The following MYO9A variants were observed in gnomAD, a reference collection of about 807,000 sequenced individuals.
MYO9A encodes unconventional myosin-IXa.
In MYO9A, 103 loss-of-function variants were observed where a neutral mutation model predicts 293.3. The ratio of observed to expected loss-of-function variants is 0.35; its 90% CI spans 0.30 to 0.41. The LOEUF (loss-of-function observed/expected upper bound fraction) is 0.41. MYO9A is among the 10% of genes least tolerant of loss of function. MYO9A has a pLI of 1.00. For synonymous variants in MYO9A, 1,001 were observed against 1,035.7 expected (o/e 0.97, Z 0.64); for missense variants, 2,685 against 3,033.0 (o/e 0.89, Z 2.69).
chr15:71,830,296 G>A lies in MYO9A; in HGVS notation c.6853C>T (p.Arg2285Cys), dbSNP rs747340403. Residue 2285 changes from arginine (R) to cysteine (C), a missense_variant, in exon 40 of 42, where the codon CGT (arginine) becomes TGT (cysteine). By Grantham distance (180) the Arg-to-Cys change is radical. Around this residue, in one of 10 missense-constraint regions of MYO9A, gnomAD observed 350 missense variants for 328.9 expected, o/e 1.06. Coordinates refer to ENST00000356056, the MANE Select transcript of MYO9A (RefSeq NM_006901.4). ...GATGGACCTGGATAGTTTCCTCGAC[G>A]AATACGCCCCTTTCCCTGCAGAGAA... The part of the protein sequence containing the change: ...IRRSMGKGRI[R>C]RGNYPGPSSP... 21 of 1,613,508 alleles carry A rather than the reference G, an allele frequency of 1.3e-5. No homozygotes were observed. Among genetic ancestry groups the A allele is most frequent in the South Asian group, 8.8e-5 (8 of 90,978 alleles).
At position 71,880,460 on chromosome 15, in the gene MYO9A, T is replaced by C. The variant is rs1200197580; in HGVS notation, c.5497A>G (p.Lys1833Glu). 1 of 1,614,242 alleles carries C rather than the reference T, an allele frequency of 6.2e-7. No individual in the cohort carries two copies. The highest frequency in any genetic ancestry group is 1.7e-5 in the Admixed American group (1 of 60,028). The change falls in exon 29 of 42, where the codon AAG (lysine) becomes GAG (glutamate). Residue 1833 changes from lysine (K) to glutamate (E), a missense_variant. Around this residue, in one of 10 missense-constraint regions of MYO9A, gnomAD observed 1,434 missense variants for 1,497.7 expected, o/e 0.96. Coordinates refer to ENST00000356056, the MANE Select transcript of MYO9A (RefSeq NM_006901.4). ...KENKEPSPKA[K>E]RKRSVKISNV... ...CTAATCTTCACACTTCGCTTGCGCT[T>C]AGCCTTTGGAGAAGGTTCTTTGTTC...
chr15:72,030,196 A>G (rs982914317), intron 3 of MYO9A, among the ~76,000 whole-genome samples: 4 of 152,196 alleles, frequency 2.6e-5, no homozygotes, highest in Non-Finnish European at 5.9e-5. Flanking sequence ...ACAGGCTCTT[A>G]CCTGTCTAAA....
intron 14 of MYO9A, chr15:71,958,779 G>A (rs933825142): frequency 3.3e-5 from 5 of 152,214 alleles, no homozygotes; most frequent in African/African-American, 1.2e-4. Flanking sequence ...TATCAAGGTA[G>A]AGAAAATACA....
intron 1 of MYO9A, among the ~76,000 whole-genome samples, chr15:72,061,193 G>A (rs942574296): frequency 6.6e-6 from 1 of 152,148 alleles, no homozygotes; most frequent in African/African-American, 2.4e-5. Context: ...TGGCCAGGCA[G>A]TACTCGCCAT....
chr15:71,935,353 T>C lies in MYO9A; in HGVS notation c.2510A>G (p.His837Arg), dbSNP rs1450918804. ...STSSKLLERA[H>R]GILTRNKNFK... The stretch of plus-strand genomic sequence containing the variant: ...GATTAGTACTGACGTGAGAATTCCA[T>C]GGGCTCTCTCCAGGAGTTTGCTGCT... The change falls in exon 17 of 42, where the codon CAT (histidine) becomes CGT (arginine). Residue 837 changes from histidine to arginine, a missense_variant. Physicochemically the swap from His to Arg is conservative, Grantham distance 29 (BLOSUM62 0). Around this residue, in one of 10 missense-constraint regions of MYO9A, gnomAD observed 1,434 missense variants for 1,497.7 expected, o/e 0.96. Coordinates refer to ENST00000356056, the MANE Select transcript of MYO9A (RefSeq NM_006901.4). 14 of 1,613,266 alleles carry C rather than the reference T, an allele frequency of 8.7e-6. No homozygotes were observed. Among genetic ancestry groups the C allele is most frequent in the African/African-American group, 1.3e-5 (1 of 74,914 alleles).
At chr15:71,851,393 A>G (rs1567196653) in intron 36 of MYO9A, 35 bp from the exon 37 acceptor site, 1 of 1,512,332 alleles carries the variant, frequency 6.6e-7, no homozygotes, top group South Asian at 1.1e-5. Flanking sequence ...AAGACTAAAT[A>G]TCCCCCCTTA....
At chr15:71,869,194 C>T (rs958737557) in intron 32 of MYO9A, among the ~76,000 whole-genome samples, 3 of 152,002 alleles carry the variant, frequency 2.0e-5, no homozygotes, top group Admixed American at 2.0e-4. Context: ...GAAGTATATC[C>T]CCACAAGATA....
chr15:71,841,293 CT>C, intron 39 of MYO9A, among the ~76,000 whole-genome samples: 1 of 152,182 alleles, frequency 6.6e-6, no homozygotes, highest in East Asian at 1.9e-4. Context: ...ATAGCATTGC[CT>C]TTTCTGATTT....
At position 71,879,909 on chromosome 15, in the gene MYO9A, T is replaced by C. The variant is rs1596093614; in HGVS notation, c.5623-72A>G. On this transcript the variant is annotated intron_variant, in intron 29 of 41. Coordinates refer to ENST00000356056, the MANE Select transcript of MYO9A (RefSeq NM_006901.4). ...AGAAGTAAATACAACAGTAGGCATG[T>C]ATTGTTGCTTCCACAATGACTGTCC... The C allele has an allele frequency of 4.8e-6, 5 of 1,032,580 alleles. No individual in the cohort carries two copies. The East Asian group carries it at 1.2e-4, about 25-fold the overall frequency. The allele number at this position is 1,032,580 out of a possible 1,614,324, so 64.0% of individuals were successfully genotyped here.
chr15:72,067,978 A>G (rs1380410019), intron 1 of MYO9A, among the ~76,000 whole-genome samples: 1 of 152,226 alleles, frequency 6.6e-6, no homozygotes, highest in East Asian at 1.9e-4. Flanking sequence ...AGAGTTTAAC[A>G]GAATAACTAA....
At chr15:71,963,380 T>C (rs1005186308) in intron 13 of MYO9A, among the ~76,000 whole-genome samples, 20 of 151,986 alleles carry the variant, frequency 1.3e-4, no homozygotes, top group Non-Finnish European at 2.6e-4. Flanking sequence ...CCACCACACC[T>C]GGCTGTGCAC....
At chr15:72,051,296 G>A (rs1054556880) in intron 1 of MYO9A, among the ~76,000 whole-genome samples, 10 of 152,280 alleles carry the variant, frequency 6.6e-5, no homozygotes, top group South Asian at 2.1e-4. Context: ...CCAGGACTGC[G>A]TGCTCCATGG....
chr15:71,916,879 T>C (rs1383333688), intron 18 of MYO9A, among the ~76,000 whole-genome samples: 2 of 152,230 alleles, frequency 1.3e-5, no homozygotes, highest in Non-Finnish European at 2.9e-5. Flanking sequence ...GGCACTAGTT[T>C]TGTAAATGCT....
chr15:72,050,794 A>G (rs1035966286), intron 1 of MYO9A, among the ~76,000 whole-genome samples: 3 of 151,724 alleles, frequency 2.0e-5, no homozygotes, highest in African/African-American at 7.3e-5. Context: ...CTCCCTTACC[A>G]CTCTTCCCAC....
chr15:71,905,967 T>A (rs1189908600), intron 19 of MYO9A, among the ~76,000 whole-genome samples: 1 of 152,046 alleles, frequency 6.6e-6, no homozygotes, highest in African/African-American at 2.4e-5. Context: ...TTGAGACATA[T>A]CTCCTTTTCT....
At chr15:72,025,369 C>CT (rs775882400) in intron 4 of MYO9A, among the ~76,000 whole-genome samples, 1 of 151,310 alleles carries the variant, frequency 6.6e-6, no homozygotes, top group Admixed American at 6.6e-5. Flanking sequence ...AGCAAAAAAA[C>CT]TTTTTTTTTG....
chr15:72,021,816 TG>T (rs1467245979), intron 4 of MYO9A, among the ~76,000 whole-genome samples: 2 of 152,192 alleles, frequency 1.3e-5, no homozygotes, highest in Non-Finnish European at 2.9e-5. Flanking sequence ...GCTGTGGACA[TG>T]CCCAGGGTTG....
At chr15:71,957,780 A>G (rs561567915) in intron 14 of MYO9A, among the ~76,000 whole-genome samples, 11 of 152,314 alleles carry the variant, frequency 7.2e-5, no homozygotes, top group African/African-American at 2.6e-4. Context: ...CTCTCTTTGT[A>G]GATGAAGAAA....
At chr15:71,884,115 G>A (rs972197419) in intron 27 of MYO9A, among the ~76,000 whole-genome samples, 1 of 151,940 alleles carries the variant, frequency 6.6e-6, no homozygotes, top group Non-Finnish European at 1.5e-5. Flanking sequence ...CATCCAGCTT[G>A]GATTTAGTAT....
Sources: allele counts gnomAD v4.1 joint callset (sites outside exome capture counted in the v4.1 genomes callset), GRCh38; gene constraint gnomAD v4.1.1; regional missense constraint gnomAD v4.1.1; transcripts MANE v1.5; gene names NCBI Gene and HGNC (gene_info 2026-07-23, HGNC 2026-07-21).